The following PID1 variants were observed in gnomAD, a reference collection of about 807,000 sequenced individuals.
PID1 encodes the protein PTB-containing, cubilin and LRP1-interacting protein.
A neutral mutation model predicts 19.1 loss-of-function variants in PID1; 10 were observed. That is an observed-to-expected ratio of 0.52 (90% CI 0.32 to 0.89). PID1 has a LOEUF of 0.89. Among genes scored for constraint, PID1 ranks in the 40% least tolerant of loss-of-function variants. PID1 has a pLI of 0.03. For missense variants in PID1, 248 were observed against 285.3 expected, an observed-to-expected ratio of 0.87 and a Z score of 0.94; for synonymous variants, 130 against 116.0, an observed-to-expected ratio of 1.12 and a Z score of -0.78.
At chr2:229,085,223 TAAAA>T (rs200081184) in intron 2 of PID1, among the ~76,000 whole-genome samples, 2 of 126,544 alleles carry the variant, frequency 1.6e-5, no homozygotes, top group Non-Finnish European at 1.7e-5. Context: ...CATATACTTG[TAAAA>T]AAAAAAAAAA....
intron 2 of PID1, among the ~76,000 whole-genome samples, chr2:229,099,466 A>G (rs1344216490): frequency 6.6e-6 from 1 of 152,198 alleles, no homozygotes; most frequent in African/African-American, 2.4e-5. Flanking sequence ...ACAGGTTTCC[A>G]TGAATTTCTA....
chr2:229,247,802 A>G (rs947071970), intron 1 of PID1, among the ~76,000 whole-genome samples: 1 of 152,218 alleles, frequency 6.6e-6, no homozygotes, highest in African/African-American at 2.4e-5. Flanking sequence ...CTTCTTTAAC[A>G]GTTTACTTGG....
intron 1 of PID1, chr2:229,262,826 A>C: frequency 6.4e-7 from 1 of 1,550,724 alleles, no homozygotes; most frequent in South Asian, 1.2e-5. Context: ...ATGATGCCAT[A>C]ACTCCGGTTT....
intron 1 of PID1, among the ~76,000 whole-genome samples, chr2:229,267,438 T>C (rs1462504608): frequency 1.3e-5 from 2 of 152,236 alleles, no homozygotes; most frequent in Non-Finnish European, 2.9e-5. Flanking sequence ...TATTGGAACC[T>C]TTATAGAATG....
intron 2 of PID1, among the ~76,000 whole-genome samples, chr2:229,073,894 C>A (rs371905080): frequency 6.6e-6 from 1 of 152,164 alleles, no homozygotes; most frequent in Non-Finnish European, 1.5e-5. Context: ...AGAGGCCGCA[C>A]AATGGTCCAG....
At chr2:229,133,817 T>C (rs1454432274) in intron 2 of PID1, among the ~76,000 whole-genome samples, 2 of 152,136 alleles carry the variant, frequency 1.3e-5, no homozygotes, top group African/African-American at 4.8e-5. Context: ...AGTTTTAGGG[T>C]ACATGTGCAC....
intron 2 of PID1, among the ~76,000 whole-genome samples, chr2:229,073,163 C>A (rs1029926705): frequency 6.6e-6 from 1 of 152,188 alleles, no homozygotes; most frequent in African/African-American, 2.4e-5. Context: ...GTAGCTGGGA[C>A]TACCGGCGCC....
intron 2 of PID1, among the ~76,000 whole-genome samples, chr2:229,080,537 G>A (rs1459860110): frequency 2.0e-5 from 3 of 152,066 alleles, no homozygotes; most frequent in African/African-American, 7.2e-5. Flanking sequence ...GAAATTAGGT[G>A]CTCTAAATTC....
intron 1 of PID1, among the ~76,000 whole-genome samples, chr2:229,157,586 C>A (rs772613944): frequency 6.6e-6 from 1 of 152,106 alleles, no homozygotes; most frequent in Non-Finnish European, 1.5e-5. Flanking sequence ...ATTAGTGATG[C>A]CCCATAAAGA....
rs577068336 is a variant in PID1 at position 229,043,580 on chromosome 2, C to G, written c.178-17472G>C. On this transcript the variant is annotated intron_variant, in intron 2 of 2. Transcript: ENST00000392055. ...TATTTTTAGTGAGAGTGTACTTGCACTGGTGCAAAAGTTTCAAATCATGAT... is the reference window on the plus strand; with the variant it reads ...TATTTTTAGTGAGAGTGTACTTGCAGTGGTGCAAAAGTTTCAAATCATGAT... Among the ~76,000 whole-genome samples the G allele has an allele frequency of 2.0e-5, 3 of 152,312 alleles. No homozygotes were observed. The East Asian group carries it at 5.8e-4, about 29-fold the overall frequency.
intron 1 of PID1, among the ~76,000 whole-genome samples, chr2:229,257,649 A>G (rs1021221977): frequency 2.6e-5 from 4 of 152,196 alleles, no homozygotes; most frequent in African/African-American, 9.6e-5. Context: ...CTATTTATTG[A>G]ACAAAGTCTT....
At chr2:229,154,028 C>T (rs1361165624) in intron 2 of PID1, among the ~76,000 whole-genome samples, 2 of 152,134 alleles carry the variant, frequency 1.3e-5, no homozygotes, top group Admixed American at 6.5e-5. Context: ...CATCAATTCA[C>T]CAAAAGCATT....
chr2:229,113,322 A>C (rs1695335827), intron 2 of PID1, among the ~76,000 whole-genome samples: 1 of 150,982 alleles, frequency 6.6e-6, no homozygotes, highest in Admixed American at 6.6e-5. Flanking sequence ...TAACCATCAC[A>C]GTAACTTAAG....
rs536802120 is a variant in PID1, at chr2:229,264,375, A to G, written c.30+6639T>C. Among the ~76,000 whole-genome samples the G allele has an allele frequency of 7.0e-4, 107 of 152,242 alleles. 1 individual carries two copies. The South Asian group carries it at 0.014, about 20-fold the overall frequency. ...GGAGACCACCGCCTGGCAGAAACTA[A>G]AGGAGATATAAGAGGTATGTCAACT... On this transcript the variant is annotated intron_variant, in intron 1 of 2. Transcript: ENST00000392055.
At chr2:229,039,496 AG>A (rs1211121331) in intron 2 of PID1, among the ~76,000 whole-genome samples, 4 of 152,254 alleles carry the variant, frequency 2.6e-5, no homozygotes, top group Non-Finnish European at 5.9e-5. Context: ...AACATATGCT[AG>A]AAATTATATC....
chr2:229,255,527 T>C (rs1014894899), intron 1 of PID1, among the ~76,000 whole-genome samples: 1 of 152,224 alleles, frequency 6.6e-6, no homozygotes, highest in South Asian at 2.1e-4. Flanking sequence ...GGGTCTTCCA[T>C]TGGCTGATAA....
At chr2:229,112,493 A>T (rs950164658) in intron 2 of PID1, among the ~76,000 whole-genome samples, 1 of 152,012 alleles carries the variant, frequency 6.6e-6, no homozygotes, top group Non-Finnish European at 1.5e-5. Context: ...TTATTTATTT[A>T]TTTATTTTTT....
intron 2 of PID1, among the ~76,000 whole-genome samples, chr2:229,062,033 G>A: frequency 6.6e-6 from 1 of 151,866 alleles, no homozygotes; most frequent in Non-Finnish European, 1.5e-5. Flanking sequence ...CATGTCATCA[G>A]CAAACAGAGG....
At chr2:229,091,320 G>C (rs1574621153) in intron 2 of PID1, among the ~76,000 whole-genome samples, 1 of 150,868 alleles carries the variant, frequency 6.6e-6, no homozygotes, top group African/African-American at 2.4e-5. Flanking sequence ...AAGTAAGAGA[G>C]TCTATTCAAA....
Sources: allele counts gnomAD v4.1 joint callset (sites outside exome capture counted in the v4.1 genomes callset), GRCh38; gene constraint gnomAD v4.1.1; transcripts MANE v1.5; gene names NCBI Gene and HGNC (gene_info 2026-07-23, HGNC 2026-07-21).